Variants in KIF14 observed in about 807,000 individuals in gnomAD.
KIF14 encodes kinesin-like protein KIF14.
A neutral mutation model predicts 176.2 loss-of-function variants in KIF14; 98 were observed. That is an observed-to-expected ratio of 0.56 (90% CI 0.47 to 0.66). KIF14 has a LOEUF of 0.66. Ranked by LOEUF, KIF14 falls within the 30% of genes least tolerant of loss-of-function variation. The probability of loss-of-function intolerance (pLI) is 0.00; values close to 1 mark genes in which losing one functional copy is unlikely to be tolerated. For missense variants in KIF14, 1,751 were observed against 1,920.4 expected, an observed-to-expected ratio of 0.91 and a Z score of 1.65; for synonymous variants, 566 against 632.2, an observed-to-expected ratio of 0.90 and a Z score of 1.57.
chr1:200,556,412 T>C (rs1656829542), intron 27 of KIF14, among the ~76,000 whole-genome samples: 1 of 152,248 alleles, frequency 6.6e-6, no homozygotes, highest in East Asian at 1.9e-4. Context: ...CATTTTCTAT[T>C]TCTTTGGATA....
chr1:200,580,206 A>T, intron 21 of KIF14, 48 bp downstream of exon 21: 1 of 1,019,996 alleles, frequency 9.8e-7, no homozygotes, highest in Admixed American at 3.9e-5. Context: ...GAACTTTTAT[A>T]CTTTTTTATT....
chr1:200,576,039 G>A (rs1411615299), intron 21 of KIF14, among the ~76,000 whole-genome samples: 1 of 152,018 alleles, frequency 6.6e-6, no homozygotes, highest in African/African-American at 2.4e-5. Flanking sequence ...CTTCCTGGTC[G>A]AATATATTGA....
chr1:200,603,971 A>T lies in KIF14; in HGVS notation c.1747-16T>A, dbSNP rs1283392227. The T allele has an allele frequency of 1.4e-6, 2 of 1,450,662 alleles. No individual in the cohort carries two copies. Among genetic ancestry groups the T allele is most frequent in the Non-Finnish European group, 1.9e-6 (2 of 1,031,250 alleles). 89.9% of individuals were successfully genotyped at this position (1,450,662 alleles called of 1,614,324 possible). A position where few individuals can be genotyped will look rare whatever the true frequency, so the allele number is the denominator to read the frequency against. ...CAAATTCTGTCTACAGCAAAATGAT[A>T]TTAAATTAAATTAAGTTCTATTACT... On this transcript the variant is annotated splice_polypyrimidine_tract_variant and intron_variant, in intron 8 of 29. Coordinates refer to ENST00000367350, the MANE Select transcript of KIF14 (RefSeq NM_014875.3).
Position 200,565,755 on chromosome 1 carries a change from C to A in KIF14, c.3662-86G>T. ...AAAAAAGGGATCCTTACTTTATGTACTTCTGCATTACTGAAATGTATTACA... is the reference window on the plus strand; with the variant it reads ...AAAAAAGGGATCCTTACTTTATGTAATTCTGCATTACTGAAATGTATTACA... On this transcript the variant is annotated intron_variant, in intron 23 of 29. Transcript: ENST00000367350. 7.3e-6 allele frequency: 6 copies of A among 825,050 alleles called. No homozygotes were observed. In the South Asian group the frequency reaches 1.1e-4, roughly 16 times the overall value. The allele number at this position is 825,050 out of a possible 1,614,324, so 51.1% of individuals were successfully genotyped here.
At chr1:200,579,404 C>T (rs1004241960) in intron 21 of KIF14, among the ~76,000 whole-genome samples, 4 of 152,036 alleles carry the variant, frequency 2.6e-5, no homozygotes, top group African/African-American at 4.8e-5. Flanking sequence ...GTCAGGAGTT[C>T]GAGACCAGCC....
chr1:200,575,261 AAATAATTTAAAAGT>A (rs1658033329), intron 22 of KIF14, among the ~76,000 whole-genome samples: 2 of 151,808 alleles, frequency 1.3e-5, no homozygotes, highest in East Asian at 1.9e-4. Context: ...TGGCCAGAGA[AAATAATTTAAAAGT>A]AATAAATACT....
At chr1:200,581,133 A>AAAAAAAAT in intron 20 of KIF14, 68 bp downstream of exon 20, 1 of 774,806 alleles carries the variant, frequency 1.3e-6, no homozygotes. Context: ...AAAAAAAAAA[A>AAAAAAAAT]GAGAAACTAA....
chr1:200,561,943 C>A (rs1461770760), intron 25 of KIF14, among the ~76,000 whole-genome samples: 1 of 152,038 alleles, frequency 6.6e-6, no homozygotes, highest in African/African-American at 2.4e-5. Flanking sequence ...ATGGAAAAAA[C>A]CCCAAACACC....
At position 200,618,057 on chromosome 1, in the gene KIF14, A is replaced by G. The variant is rs1174972041; in HGVS notation, c.667T>C (p.Ser223Pro). ...CTAACAACTTCAGTCTGACTCAGGGAAGCAATGGGTGGTCTATTACTTGAG... is the reference window on the plus strand; with the variant it reads ...CTAACAACTTCAGTCTGACTCAGGGGAGCAATGGGTGGTCTATTACTTGAG... ...KYSSNRPPIA[S>P]LSQTEVVRSG... is the part of the protein sequence containing the mutation. Residue 223 changes from serine (S) to proline (P), a missense_variant, in exon 2 of 30, where the codon TCC becomes CCC. By Grantham distance (74) the Ser-to-Pro change is moderately conservative. Coordinates refer to ENST00000367350, the MANE Select transcript of KIF14 (RefSeq NM_014875.3). 6.2e-7 allele frequency: 1 copy of G among 1,614,184 alleles called. No homozygotes were observed. Among genetic ancestry groups the G allele is most frequent in the Non-Finnish European group, 8.5e-7 (1 of 1,180,012 alleles).
At chr1:200,603,500 G>A (rs1226701762) in intron 9 of KIF14, among the ~76,000 whole-genome samples, 159 bp from the exon 10 acceptor site, 1 of 151,504 alleles carries the variant, frequency 6.6e-6, no homozygotes, top group Non-Finnish European at 1.5e-5. Context: ...AGGCTGGAGT[G>A]CAGTGGCATA....
intron 21 of KIF14, among the ~76,000 whole-genome samples, chr1:200,578,162 C>A (rs1658236829): frequency 6.6e-6 from 1 of 152,094 alleles, no homozygotes; most frequent in South Asian, 2.1e-4. Context: ...CTTCTCATTT[C>A]TAAAATCACA....
chr1:200,559,414 T>A lies in KIF14; in HGVS notation c.4269A>T (p.Leu1423Phe). ...FMDAVCDGVG[L>F]GMKILLDSGL... Reference sequence around the variant, plus strand: ...CAGAATCTAATAAAATCTTCATTCCTAAGCCTACACCATCACAAACAGCAT... The same window carrying A: ...CAGAATCTAATAAAATCTTCATTCCAAAGCCTACACCATCACAAACAGCAT... The change falls in exon 27 of 30, where the codon TTA becomes TTT. Residue 1423 changes from leucine to phenylalanine, a missense_variant. Coordinates refer to ENST00000367350, the MANE Select transcript of KIF14 (RefSeq NM_014875.3). The A allele has an allele frequency of 6.3e-7, 1 of 1,586,738 alleles. No homozygotes were observed.
intron 29 of KIF14, among the ~76,000 whole-genome samples, chr1:200,553,978 T>C (rs1037156625): frequency 5.3e-5 from 8 of 152,230 alleles, no homozygotes; most frequent in African/African-American, 1.7e-4. Flanking sequence ...TACTGATACA[T>C]ACATTAAGTG....
In KIF14 at chr1:200,587,585, C is replaced by A. The variant is rs186127788; in HGVS notation, c.3115-1358G>T. On this transcript the variant is annotated intron_variant, in intron 18 of 29. Transcript: ENST00000367350. ...ATCCCAGCACTTTGGGAGGCCAAGG[C>A]GGGAGAATCATGAGGTCAAGAGTTC... Among the ~76,000 whole-genome samples, 9 of 152,040 alleles carry A rather than the reference C, an allele frequency of 5.9e-5. No individual in the cohort carries two copies. The East Asian group carries it at 1.7e-3, about 29-fold the overall frequency.
intron 21 of KIF14, among the ~76,000 whole-genome samples, chr1:200,577,070 G>C (rs1264789804): frequency 1.3e-5 from 2 of 151,458 alleles, no homozygotes; most frequent in African/African-American, 2.4e-5. Context: ...AGCATTTTGA[G>C]AGGCTGAGGC....
At chr1:200,612,037 C>G (rs1660181610) in intron 4 of KIF14, among the ~76,000 whole-genome samples, 1 of 150,698 alleles carries the variant, frequency 6.6e-6, no homozygotes, top group South Asian at 2.1e-4. Context: ...GAGTCTTGCT[C>G]TGTCGCCCAG....
chr1:200,555,246 C>T (rs777957662), intron 28 of KIF14, 134 bp downstream of exon 28: 64 of 589,956 alleles, frequency 1.1e-4, no homozygotes, highest in Non-Finnish European at 1.8e-4. Flanking sequence ...AGCTATCTTA[C>T]ATGCTACAAT....
At position 200,611,980 on chromosome 1, in the gene KIF14, G is replaced by A. The variant is rs527548225; in HGVS notation, c.1455+2338C>T. On this transcript the variant is annotated intron_variant, in intron 4 of 29. Coordinates refer to ENST00000367350, the MANE Select transcript of KIF14 (RefSeq NM_014875.3). ...AAGCTGAGATTCAAATTCAAATAAT[G>A]TATCTCCAAAGTCCATGCTCTTTTT... Among the ~76,000 whole-genome samples, 388 of 151,564 alleles carry A rather than the reference G, an allele frequency of 2.6e-3. 3 individuals carry two copies. The highest frequency in any genetic ancestry group is 3.3e-3 in the South Asian group (16 of 4,808).
intron 14 of KIF14, 117 bp downstream of exon 14, chr1:200,598,120 G>A (rs983342999): frequency 2.4e-6 from 2 of 828,096 alleles, no homozygotes; most frequent in Non-Finnish European, 3.8e-6. Flanking sequence ...ACTAAACAAT[G>A]GGTTTGAAGA....
Sources: gnomAD v4.1 joint callset for allele counts (sites outside exome capture counted in the v4.1 genomes callset) on GRCh38, gnomAD v4.1.1 for gene constraint, MANE v1.5 for transcripts, NCBI Gene and HGNC (gene_info 2026-07-23, HGNC 2026-07-21) for gene names.